MAZ: variants seen among roughly 807,000 people sequenced by gnomAD.
MAZ encodes the protein myc-associated zinc finger protein.
Under a neutral mutation model 32.7 loss-of-function variants are expected in MAZ, and 4 were observed. The observed-to-expected ratio is 0.12, with a 90% CI of 0.06 to 0.28. The LOEUF (loss-of-function observed/expected upper bound fraction) is 0.28. MAZ is among the 10% of genes least tolerant of loss of function. MAZ has a pLI of 1.00. For synonymous variants in MAZ, 510 were observed against 297.6 expected (o/e 1.71, Z -7.35); for missense variants, 763 against 667.2 (o/e 1.14, Z -1.58).
At chr16:29,808,048 A>T (rs1899638429) in intron 2 of MAZ, 182 bp from the exon 3 acceptor site, 1 of 1,030,060 alleles carries the variant, frequency 9.7e-7, no homozygotes, top group Non-Finnish European at 1.4e-6. Context: ...TTCGCGTGGG[A>T]GGAGGCGGCG....
Position 29,807,104 on chromosome 16 carries a change from GCCGCCGTC to G in MAZ, c.320_327del (p.Ala107GlyfsTer221). The stretch of plus-strand genomic sequence containing the variant: ...TGCTGCGGCCGCTGCCGCCGCTGCT[GCCGCCGTC>G]GCTGCCGCGCCCCCGGCCCCTGCCG... On this transcript the variant is annotated frameshift_variant, in exon 2 of 5. Transcript: ENST00000322945. LOFTEE classifies it high-confidence loss of function. 9.9e-7 allele frequency: 1 copy of G among 1,005,784 alleles called. No homozygotes were observed. Among genetic ancestry groups the G allele is most frequent in the Non-Finnish European group, 1.2e-6 (1 of 835,048 alleles). 62.3% of individuals were successfully genotyped at this position (1,005,784 alleles called of 1,614,324 possible).
chr16:29,808,179 G>C (rs370613596), intron 2 of MAZ, 51 bp from the exon 3 acceptor site: 4 of 1,518,300 alleles, frequency 2.6e-6, no homozygotes, highest in African/African-American at 1.4e-5. Context: ...CGGTTTGGTG[G>C]ATTTGGGGCG....
rs1899899529 is a variant in MAZ, at chr16:29,810,663, T to C, written c.*432T>C. On this transcript the variant is annotated 3_prime_UTR_variant, in exon 5 of 5. Transcript: ENST00000322945. ...CCGGGGAGTTGGTGCTTTCTTTTCC[T>C]TTTTTTTTTTTTTCCAGGGGGAGGG... is the stretch of plus-strand genomic sequence containing the variant. The C allele has an allele frequency of 1.4e-5, 2 of 146,822 alleles. No homozygotes were observed. Among genetic ancestry groups the C allele is most frequent in the Non-Finnish European group, 2.5e-5 (2 of 78,478 alleles). 9.1% of individuals were successfully genotyped at this position (146,822 alleles called of 1,614,324 possible). A position where few individuals can be genotyped will look rare whatever the true frequency, so the allele number is the denominator to read the frequency against.
chr16:29,808,542 A>C (rs1596874650), intron 3 of MAZ, 28 bp from the exon 4 acceptor site: 17 of 1,281,436 alleles, frequency 1.3e-5, no homozygotes, highest in African/African-American at 7.5e-5. Flanking sequence ...CTCCTGTGAC[A>C]CCCCCCACGC....
At chr16:29,810,018 G>T (rs1899825284) in intron 4 of MAZ, 59 bp from the exon 5 acceptor site, 1 of 1,560,818 alleles carries the variant, frequency 6.4e-7, no homozygotes, top group Non-Finnish European at 8.7e-7. Context: ...GGTGTGGGGT[G>T]AGGGCAAGGC....
rs1449194223 is a variant in MAZ, at chr16:29,806,554, G to A, written c.-148G>A. On this transcript the variant is annotated 5_prime_UTR_variant, in exon 1 of 5. Coordinates refer to ENST00000322945, the MANE Select transcript of MAZ (RefSeq NM_002383.4). ...CTCTTTTCCTCCCTCCCGCCGGCCGGGGTGCGCGGGCGGCGGGGCGGCCCG... is the reference window on the plus strand; with the variant it reads ...CTCTTTTCCTCCCTCCCGCCGGCCGAGGTGCGCGGGCGGCGGGGCGGCCCG... 1 of 910,082 alleles carries A rather than the reference G, an allele frequency of 1.1e-6. No individual in the cohort carries two copies. The highest frequency in any genetic ancestry group is 1.3e-6 in the Non-Finnish European group (1 of 768,292). 56.4% of individuals were successfully genotyped at this position (910,082 alleles called of 1,614,324 possible).
rs1899536161 is a variant in MAZ, at chr16:29,807,087, CCGCTGCCGCCGCTGCTGCCGCCGT to C, written c.312_335del (p.Ala105_Ala112del). On this transcript the variant is annotated inframe_deletion, in exon 2 of 5. Coordinates refer to ENST00000322945, the MANE Select transcript of MAZ (RefSeq NM_002383.4). ...CAGGAGTCCGCCGCGGCTGCTGCGGCCGCTGCCGCCGCTGCTGCCGCCGTCGCTGCCGCGCCCCCGGCCCCTGCC... is the reference window on the plus strand; with the variant it reads ...CAGGAGTCCGCCGCGGCTGCTGCGGCCGCTGCCGCGCCCCCGGCCCCTGCC... 12 of 997,520 alleles carry C rather than the reference CCGCTGCCGCCGCTGCTGCCGCCGT, an allele frequency of 1.2e-5. No homozygotes were observed. Among genetic ancestry groups the C allele is most frequent in the Admixed American group, 5.8e-5 (1 of 17,274 alleles). 61.8% of individuals were successfully genotyped at this position (997,520 alleles called of 1,614,324 possible).
In MAZ at chr16:29,810,306, TC is replaced by T; in HGVS notation, c.*78del. 1.4e-6 allele frequency: 2 copies of T among 1,388,764 alleles called. No individual in the cohort carries two copies. The highest frequency in any genetic ancestry group is 2.0e-6 in the Non-Finnish European group (2 of 1,003,210). The allele number at this position is 1,388,764 out of a possible 1,614,324, so 86.0% of individuals were successfully genotyped here. A position where few individuals can be genotyped will look rare whatever the true frequency, so the allele number is the denominator to read the frequency against. ...GTACAAGCTCCTCTCCCCCCTCTTT[TC>T]CCACCAACTCCTATTTCCCTACCAA... On this transcript the variant is annotated 3_prime_UTR_variant, in exon 5 of 5. Transcript: ENST00000322945.
Position 29,807,460 on chromosome 16 carries a change from G to C in MAZ, c.675G>C (p.Met225Ile). The change falls in exon 2 of 5, where the codon ATG (methionine) becomes ATC (isoleucine). Residue 225 changes from methionine (M) to isoleucine (I), a missense_variant. By Grantham distance (10) the Met-to-Ile change is conservative (BLOSUM62 1). Transcript: ENST00000322945. ...AKAGRVPSGA[M>I]KMPTMVPLSL... ...CCGGCCGGGTCCCCTCGGGTGCTAT[G>C]AAGATGCCGACCATGGTGCCCCTGA... is the stretch of plus-strand genomic sequence containing the variant. 1 of 1,612,422 alleles carries C rather than the reference G, an allele frequency of 6.2e-7. No homozygotes were observed. The highest frequency in any genetic ancestry group is 8.5e-7 in the Non-Finnish European group (1 of 1,179,744).
At chr16:29,809,648 C>T (rs1231500373) in intron 4 of MAZ, 5 of 1,592,868 alleles carry the variant, frequency 3.1e-6, no homozygotes, top group Non-Finnish European at 4.3e-6. Flanking sequence ...CACTGCAAGA[C>T]CCCTGCCCAG....
In MAZ at chr16:29,806,544, C is replaced by T. The variant is rs1899461228; in HGVS notation, c.-158C>T. ...GCAAGGCGCCCTCTTTTCCTCCCTCCCGCCGGCCGGGGTGCGCGGGCGGCG... is the reference window on the plus strand; with the variant it reads ...GCAAGGCGCCCTCTTTTCCTCCCTCTCGCCGGCCGGGGTGCGCGGGCGGCG... On this transcript the variant is annotated 5_prime_UTR_variant, in exon 1 of 5. Coordinates refer to ENST00000322945, the MANE Select transcript of MAZ (RefSeq NM_002383.4). 1.1e-6 allele frequency: 1 copy of T among 877,486 alleles called. No homozygotes were observed. The highest frequency in any genetic ancestry group is 6.6e-5 in the Admixed American group (1 of 15,224). 54.4% of individuals were successfully genotyped at this position (877,486 alleles called of 1,614,324 possible).
intron 3 of MAZ, 25 bp from the exon 4 acceptor site, chr16:29,808,545 C>G: frequency 6.4e-7 from 1 of 1,574,522 alleles, no homozygotes; most frequent in Non-Finnish European, 8.6e-7. Flanking sequence ...CTGTGACACC[C>G]CCCACGCCCC....
intron 4 of MAZ, chr16:29,809,018 C>T: frequency 1.8e-6 from 1 of 548,814 alleles, no homozygotes; most frequent in Admixed American, 3.5e-5. Flanking sequence ...AAGGAGTAGT[C>T]AAGAAAGCCA....
rs1272419559 is a variant in MAZ at position 29,810,861 on chromosome 16, G to A, written c.*630G>A. 5.9e-6 allele frequency: 2 copies of A among 340,210 alleles called. No homozygotes were observed. The highest frequency in any genetic ancestry group is 1.0e-3 in the Middle Eastern group (1 of 980). The allele number at this position is 340,210 out of a possible 1,614,324, so 21.1% of individuals were successfully genotyped here. A position where few individuals can be genotyped will look rare whatever the true frequency, so the allele number is the denominator to read the frequency against. On this transcript the variant is annotated 3_prime_UTR_variant, in exon 5 of 5. Coordinates refer to ENST00000322945, the MANE Select transcript of MAZ (RefSeq NM_002383.4). ...AATCTGTCAGGGGAAAAAGTCAAGG[G>A]GAGCAGGAGGAAGAGCCAGGAGGGC... is the stretch of plus-strand genomic sequence containing the variant.
chr16:29,807,254 G>T lies in MAZ; in HGVS notation c.469G>T (p.Ala157Ser). ...GCCCCCCGCCTCCGCCGCCACTATC[G>T]CCGCGGCGGCGGCCACCGCCGTCGT... Reference protein sequence around the residue: ...AAPPASAATIAAAAATAVVAP... With the variant: ...AAPPASAATISAAAATAVVAP... Residue 157 changes from alanine to serine, a missense_variant, in exon 2 of 5, where the codon GCC (alanine) becomes TCC (serine). By Grantham distance (99) the Ala-to-Ser change is moderately conservative. Transcript: ENST00000322945. The T allele has an allele frequency of 7.0e-7, 1 of 1,426,154 alleles. No homozygotes were observed. The highest frequency in any genetic ancestry group is 1.5e-5 in the South Asian group (1 of 65,964). The allele number at this position is 1,426,154 out of a possible 1,614,324, so 88.3% of individuals were successfully genotyped here. A position where few individuals can be genotyped will look rare whatever the true frequency, so the allele number is the denominator to read the frequency against.
intron 4 of MAZ, chr16:29,809,047 C>T (rs1285246782): frequency 1.5e-5 from 8 of 539,170 alleles, no homozygotes; most frequent in Non-Finnish European, 1.6e-5. Context: ...GGTCACAAGG[C>T]AAGGTTTCCG....
At position 29,806,878 on chromosome 16, in the gene MAZ, C is replaced by G. The variant is rs753714134; in HGVS notation, c.177C>G (p.Ala59=). The G allele has an allele frequency of 4.2e-6, 6 of 1,427,684 alleles. No homozygotes were observed. In the Admixed American group the frequency reaches 1.3e-4, roughly 30 times the overall value. The allele number at this position is 1,427,684 out of a possible 1,614,324, so 88.4% of individuals were successfully genotyped here. ...QSRFFASQGC[A]QSPFQAAPAP... ...GCTTCTTTGCCTCCCAGGGCTGCGCCCAGAGTCCATTCCAGGTGAGTAGGG... is the reference window on the plus strand; with the variant it reads ...GCTTCTTTGCCTCCCAGGGCTGCGCGCAGAGTCCATTCCAGGTGAGTAGGG... Residue 59 remains alanine, a synonymous_variant, in exon 1 of 5, where the codon GCC becomes GCG. Transcript: ENST00000322945.
rs1342929075 is a variant in MAZ at position 29,807,061 on chromosome 16, C to T, written c.276C>T (p.Ala92=). 2 of 1,023,914 alleles carry T rather than the reference C, an allele frequency of 2.0e-6. No individual in the cohort carries two copies. Among genetic ancestry groups the T allele is most frequent in the African/African-American group, 1.7e-5 (1 of 57,304 alleles). 63.4% of individuals were successfully genotyped at this position (1,023,914 alleles called of 1,614,324 possible). A position where few individuals can be genotyped will look rare whatever the true frequency, so the allele number is the denominator to read the frequency against. Residue 92 remains alanine (A), a synonymous_variant, in exon 2 of 5, where the codon GCC becomes GCT. Transcript: ENST00000322945. ...QVDLLPVLAA[A]QESAAAAAAA... is the part of the protein sequence containing the mutation. ...ACTTGCTCCCGGTGCTCGCCGCCGC[C>T]CAGGAGTCCGCCGCGGCTGCTGCGG...
rs1899888939 is a variant in MAZ, at chr16:29,810,554, C to T, written c.*323C>T. On this transcript the variant is annotated 3_prime_UTR_variant, in exon 5 of 5. Coordinates refer to ENST00000322945, the MANE Select transcript of MAZ (RefSeq NM_002383.4). ...TCCTCTCTGTAAGCCCATGCCCTGTCTTCCCAGGGACTTGTGAGCCTCTTC... is the reference window on the plus strand; with the variant it reads ...TCCTCTCTGTAAGCCCATGCCCTGTTTTCCCAGGGACTTGTGAGCCTCTTC... 3 of 700,128 alleles carry T rather than the reference C, an allele frequency of 4.3e-6. No individual in the cohort carries two copies. The highest frequency in any genetic ancestry group is 5.2e-6 in the Non-Finnish European group (2 of 383,750). The allele number at this position is 700,128 out of a possible 1,614,324, so 43.4% of individuals were successfully genotyped here.
Sources: allele counts gnomAD v4.1 joint callset, GRCh38; gene constraint gnomAD v4.1.1; transcripts MANE v1.5; gene names NCBI Gene and HGNC (gene_info 2026-07-23, HGNC 2026-07-21).